FGGY: variants seen among roughly 807,000 people sequenced by gnomAD.
FGGY encodes the protein FGGY carbohydrate kinase domain-containing protein.
FGGY carries 72 observed loss-of-function variants against 71.3 expected under a neutral mutation model. The ratio of observed to expected loss-of-function variants is 1.01; its 90% confidence interval spans 0.84 to 1.23. FGGY has a LOEUF of 1.23. Ranked by LOEUF, FGGY falls within the 50% of genes most tolerant of loss-of-function variation. The pLI is 0.00. For synonymous variants in FGGY, 251 were observed against 250.3 expected, an observed-to-expected ratio of 1.00 and a Z score of -0.02; for missense variants, 668 against 682.3, an observed-to-expected ratio of 0.98 and a Z score of 0.23.
intron 5 of FGGY, among the ~76,000 whole-genome samples, chr1:59,404,460 T>G (rs1368905545): frequency 6.6e-6 from 1 of 152,066 alleles, no homozygotes; most frequent in African/African-American, 2.4e-5. Flanking sequence ...TAAATCAAAA[T>G]TATTTAGTAG....
chr1:59,298,050 T>C (rs780698083), intron 1 of FGGY, among the ~76,000 whole-genome samples: 2 of 152,222 alleles, frequency 1.3e-5, no homozygotes, highest in Non-Finnish European at 2.9e-5. Context: ...GAAGGGAAAG[T>C]CTTTTATTTT....
At chr1:59,362,251 T>C (rs1305580351) in intron 4 of FGGY, among the ~76,000 whole-genome samples, 1 of 152,174 alleles carries the variant, frequency 6.6e-6, no homozygotes, top group Admixed American at 6.5e-5. Context: ...TTCTCTTTTG[T>C]CTCCATTTTC....
Position 59,465,962 on chromosome 1 carries a change from A to T in FGGY, c.670+8886A>T, listed in dbSNP as rs547181140. On this transcript the variant is annotated intron_variant, in intron 6 of 15. Transcript: ENST00000303721. Reference sequence around the variant, plus strand: ...AATTTATAGATTCCATGCCATTCCCATCAAGCTACCAATGACTTTCTTCAC... The same window carrying T: ...AATTTATAGATTCCATGCCATTCCCTTCAAGCTACCAATGACTTTCTTCAC... Among the ~76,000 whole-genome samples, 6 of 152,338 alleles carry T rather than the reference A, an allele frequency of 3.9e-5. No homozygotes were observed. The East Asian group carries it at 1.2e-3, about 29-fold the overall frequency.
intron 14 of FGGY, among the ~76,000 whole-genome samples, chr1:59,721,473 G>A (rs2097895457): frequency 6.6e-6 from 1 of 150,640 alleles, no homozygotes; most frequent in Non-Finnish European, 1.5e-5. Context: ...CAAGCAACTG[G>A]GAGTACAGGC....
chr1:59,543,878 G>C (rs1285722208), intron 7 of FGGY, among the ~76,000 whole-genome samples: 3 of 152,174 alleles, frequency 2.0e-5, no homozygotes, highest in African/African-American at 7.2e-5. Flanking sequence ...TTATAAATGA[G>C]ACCATTTGTC....
chr1:59,615,177 A>G (rs1190132033), intron 9 of FGGY, among the ~76,000 whole-genome samples: 1 of 152,240 alleles, frequency 6.6e-6, no homozygotes, highest in African/African-American at 2.4e-5. Context: ...ATCAAAAAAG[A>G]GCCCATATTG....
chr1:59,394,945 C>T (rs958577777), intron 5 of FGGY, among the ~76,000 whole-genome samples: 4 of 151,974 alleles, frequency 2.6e-5, no homozygotes, highest in Non-Finnish European at 2.9e-5. Context: ...TGACTTTGCA[C>T]GTACTGTTTC....
At chr1:59,520,833 G>A (rs551232038) in intron 7 of FGGY, among the ~76,000 whole-genome samples, 2 of 152,270 alleles carry the variant, frequency 1.3e-5, no homozygotes, top group East Asian at 1.9e-4. Context: ...GACAGCCTGG[G>A]GGGATGAGTT....
chr1:59,716,445 T>C (rs1368429217), intron 14 of FGGY, among the ~76,000 whole-genome samples: 2 of 152,176 alleles, frequency 1.3e-5, no homozygotes, highest in African/African-American at 2.4e-5. Flanking sequence ...ATTTAAAAGA[T>C]GAAGAAACTA....
At chr1:59,547,793 A>G (rs909740091) in intron 7 of FGGY, among the ~76,000 whole-genome samples, 2 of 152,214 alleles carry the variant, frequency 1.3e-5, no homozygotes, top group Non-Finnish European at 2.9e-5. Flanking sequence ...TTTCACCTTT[A>G]TTCATATTTA....
intron 4 of FGGY, among the ~76,000 whole-genome samples, chr1:59,358,830 G>C (rs2054850730): frequency 6.6e-6 from 1 of 152,200 alleles, no homozygotes; most frequent in Admixed American, 6.5e-5. Flanking sequence ...AATATCCACT[G>C]TGTGCTTTCA....
intron 14 of FGGY, among the ~76,000 whole-genome samples, chr1:59,710,724 C>A (rs879201217): frequency 5.3e-5 from 8 of 152,084 alleles, no homozygotes; most frequent in Non-Finnish European, 7.4e-5. Context: ...TAGAGAAATG[C>A]AAATCAAAAC....
intron 1 of FGGY, among the ~76,000 whole-genome samples, chr1:59,311,548 C>A (rs537011907): frequency 6.6e-6 from 1 of 152,288 alleles, no homozygotes; most frequent in African/African-American, 2.4e-5. Flanking sequence ...CAGCTTCATT[C>A]ATATCCCTGT....
At chr1:59,559,884 T>C (rs2095757787) in intron 8 of FGGY, among the ~76,000 whole-genome samples, 1 of 152,062 alleles carries the variant, frequency 6.6e-6, no homozygotes, top group African/African-American at 2.4e-5. Flanking sequence ...AATAAATAAA[T>C]CAATGAAAAG....
At chr1:59,493,209 T>C (rs2093932081) in intron 6 of FGGY, among the ~76,000 whole-genome samples, 1 of 151,972 alleles carries the variant, frequency 6.6e-6, no homozygotes, top group South Asian at 2.1e-4. Flanking sequence ...TAAAATGGTG[T>C]GGCTGCTGTA....
At chr1:59,324,571 C>T (rs543992365) in intron 2 of FGGY, among the ~76,000 whole-genome samples, 3 of 152,216 alleles carry the variant, frequency 2.0e-5, no homozygotes, top group Non-Finnish European at 2.9e-5. Flanking sequence ...CCACCGCGCC[C>T]GGCCAATAAC....
At chr1:59,360,322 C>T (rs879796146) in intron 4 of FGGY, among the ~76,000 whole-genome samples, 4 of 152,036 alleles carry the variant, frequency 2.6e-5, no homozygotes, top group Non-Finnish European at 5.9e-5. Context: ...AAGCCTACTG[C>T]AGTTGTCTTG....
intron 7 of FGGY, among the ~76,000 whole-genome samples, chr1:59,527,602 C>G (rs1239769102): frequency 6.6e-6 from 1 of 152,334 alleles, no homozygotes; most frequent in East Asian, 1.9e-4. Context: ...GTCTGAGCTG[C>G]TGAATGTTCT....
At position 59,610,172 on chromosome 1, in the gene FGGY, C is replaced by T. The variant is rs149753390; in HGVS notation, c.1011+2262C>T. Among the ~76,000 whole-genome samples the T allele has an allele frequency of 1.7e-4, 26 of 152,248 alleles. No homozygotes were observed. The Middle Eastern group carries it at 0.01, about 60-fold the overall frequency. On this transcript the variant is annotated intron_variant, in intron 9 of 15. Coordinates refer to ENST00000303721, the MANE Select transcript of FGGY (RefSeq NM_018291.5). ...TGGTGGTTTCCTGCACCTGTCAACC[C>T]ATCATCTATGTTTTAAGCCTTCCAT... is the stretch of plus-strand genomic sequence containing the variant.
Sources: gnomAD v4.1 joint callset for allele counts (sites outside exome capture counted in the v4.1 genomes callset) on GRCh38, gnomAD v4.1.1 for gene constraint, MANE v1.5 for transcripts, NCBI Gene and HGNC (gene_info 2026-07-23, HGNC 2026-07-21) for gene names.